Variants in RBFOX1 observed in about 807,000 individuals in gnomAD.
The protein encoded by RBFOX1 is RNA binding fox-1 homolog 1.
Under a neutral mutation model 57.7 loss-of-function variants are expected in RBFOX1, and 8 were observed. That is an observed-to-expected ratio of 0.14 (90% confidence interval 0.08 to 0.25). The LOEUF (loss-of-function observed/expected upper bound fraction) is 0.25, where lower values mean the gene tolerates loss of function less well. RBFOX1 is among the 10% of genes least tolerant of loss of function. The pLI is 1.00. For missense variants in RBFOX1, 611 were observed against 548.5 expected, an observed-to-expected ratio of 1.11 and a Z score of -1.14; for synonymous variants, 326 against 222.4, an observed-to-expected ratio of 1.47 and a Z score of -4.15.
In RBFOX1 at chr16:7,618,837, G is replaced by A. The variant is rs539807039; in HGVS notation, c.676+11499G>A. 3.3e-5 allele frequency among the ~76,000 whole-genome samples: 5 copies of A among 152,304 alleles called. No homozygotes were observed. The South Asian group carries it at 6.2e-4, about 19-fold the overall frequency. On this transcript the variant is annotated intron_variant, in intron 10 of 15. Coordinates refer to ENST00000550418, the MANE Select transcript of RBFOX1 (RefSeq NM_018723.4). Reference sequence around the variant, plus strand: ...ACTTTGAGTAACTTCATCAGTGACAGTTAATGCATTTCTAGAACTTCCATG... The same window carrying A: ...ACTTTGAGTAACTTCATCAGTGACAATTAATGCATTTCTAGAACTTCCATG...
At chr16:5,900,145 T>C (rs2058270942) in intron 4 of RBFOX1, among the ~76,000 whole-genome samples, 1 of 152,138 alleles carries the variant, frequency 6.6e-6, no homozygotes, top group African/African-American at 2.4e-5. Context: ...TGTACCTTTG[T>C]TTGGGCAGTT....
At chr16:6,947,046 T>C (rs2079677154) in intron 3 of RBFOX1, among the ~76,000 whole-genome samples, 1 of 152,194 alleles carries the variant, frequency 6.6e-6, no homozygotes. Context: ...CTCAGGCTCC[T>C]CATCTGTAAT....
At position 6,140,287 on chromosome 16, in the gene RBFOX1, G is replaced by A. The variant is rs187309716; in HGVS notation, c.-127+120295G>A. Among the ~76,000 whole-genome samples, 62 of 151,932 alleles carry A rather than the reference G, an allele frequency of 4.1e-4. No individual in the cohort carries two copies. The East Asian group carries it at 4.7e-3, about 11-fold the overall frequency. On this transcript the variant is annotated intron_variant, in intron 1 of 15. Coordinates refer to ENST00000550418, the MANE Select transcript of RBFOX1 (RefSeq NM_018723.4). ...GCTCACTGCAGCCTCCACCTCCTGG[G>A]TTCAAGCGATTGTCCTGCTTCAGCC...
intron 4 of RBFOX1, among the ~76,000 whole-genome samples, chr16:5,933,598 T>C (rs1310077552): frequency 6.6e-6 from 1 of 152,134 alleles, no homozygotes; most frequent in Non-Finnish European, 1.5e-5. Flanking sequence ...GCCAAGCTAT[T>C]GTCTTGGGTC....
At chr16:7,161,294 T>C (rs2078275069) in intron 4 of RBFOX1, among the ~76,000 whole-genome samples, 1 of 152,194 alleles carries the variant, frequency 6.6e-6, no homozygotes, top group Admixed American at 6.5e-5. Flanking sequence ...GAATGCAGTA[T>C]GTGTAAGGAA....
At chr16:5,863,110 A>C (rs954766727) in intron 3 of RBFOX1, among the ~76,000 whole-genome samples, 17 of 152,274 alleles carry the variant, frequency 1.1e-4, no homozygotes, top group African/African-American at 4.1e-4. Flanking sequence ...GCCTTGGGCA[A>C]GGCTCTTTAT....
intron 4 of RBFOX1, among the ~76,000 whole-genome samples, chr16:7,261,235 T>C (rs1380253935): frequency 6.6e-6 from 1 of 152,192 alleles, no homozygotes; most frequent in Non-Finnish European, 1.5e-5. Context: ...AGCTTTCAAC[T>C]TTGTAGAATA....
chr16:7,397,505 C>T (rs577123533), intron 4 of RBFOX1, among the ~76,000 whole-genome samples: 1 of 152,246 alleles, frequency 6.6e-6, no homozygotes, highest in African/African-American at 2.4e-5. Flanking sequence ...ATGAAAAGAA[C>T]CCACTGGTGA....
At chr16:6,880,303 C>CGAGGCAGCCAGA (rs2062674930) in intron 3 of RBFOX1, among the ~76,000 whole-genome samples, 1 of 152,124 alleles carries the variant, frequency 6.6e-6, no homozygotes, top group African/African-American at 2.4e-5. Context: ...GCTGGGTAGA[C>CGAGGCAGCCAGA]GAGGCAGCCA....
chr16:7,019,183 CTAAAT>C (rs1251566045), intron 3 of RBFOX1, among the ~76,000 whole-genome samples: 2 of 151,750 alleles, frequency 1.3e-5, no homozygotes, highest in Non-Finnish European at 2.9e-5. Context: ...TTTTAGGACA[CTAAAT>C]TATTTTATAT....
chr16:7,700,018 T>G (rs2080143022), intron 14 of RBFOX1, among the ~76,000 whole-genome samples: 1 of 152,120 alleles, frequency 6.6e-6, no homozygotes, highest in Admixed American at 6.5e-5. Flanking sequence ...GTTGGTGCTG[T>G]AGAGGGACAT....
At position 5,947,453 on chromosome 16, in the gene RBFOX1, G is replaced by A. The variant is rs545496715; in HGVS notation, c.351+80118G>A. ...TATGATCATGGCTCACTACAGCCTC[G>A]AAATCTTGTGCTCAAGCCATTTTCC... On this transcript the variant is annotated intron_variant, in intron 4 of 19. Transcript: ENST00000641259. The surrounding 1 kb of genome is among the most constrained non-coding windows in gnomAD (Gnocchi z 7.2). Among the ~76,000 whole-genome samples, 10 of 152,190 alleles carry A rather than the reference G, an allele frequency of 6.6e-5. No homozygotes were observed. The South Asian group carries it at 1.2e-3, about 19-fold the overall frequency.
intron 3 of RBFOX1, among the ~76,000 whole-genome samples, chr16:5,610,956 G>C (rs62016926): frequency 0.16 from 24,061 of 152,170 alleles, 2,489 homozygotes; most frequent in East Asian, 0.39. Context: ...GTGGGCTGTG[G>C]TTCTCAGGCT....
chr16:5,273,783 A>G (rs532333351), intron 1 of RBFOX1, among the ~76,000 whole-genome samples: 1 of 152,290 alleles, frequency 6.6e-6, no homozygotes, highest in South Asian at 2.1e-4. Context: ...CTGATGGATC[A>G]TGAGCAGCTG....
intron 3 of RBFOX1, among the ~76,000 whole-genome samples, chr16:6,929,283 A>C (rs117887184): frequency 1.3e-5 from 2 of 152,128 alleles, no homozygotes; most frequent in Non-Finnish European, 2.9e-5. Flanking sequence ...AGAGGTAGGA[A>C]ACTGGGGAAG....
chr16:6,126,073 C>G (rs769225585), intron 1 of RBFOX1, among the ~76,000 whole-genome samples: 2 of 152,158 alleles, frequency 1.3e-5, no homozygotes, highest in Non-Finnish European at 2.9e-5. Context: ...TTCTGTGATT[C>G]ATTGAACAGT....
chr16:5,551,752 C>A (rs1226873818), intron 2 of RBFOX1, among the ~76,000 whole-genome samples: 3 of 152,024 alleles, frequency 2.0e-5, no homozygotes, highest in Non-Finnish European at 2.9e-5. Context: ...TTAAGCCCCA[C>A]ATGTATTATG....
intron 8 of RBFOX1, 68 bp downstream of exon 8, chr16:7,595,709 C>T (rs1233675160): frequency 1.5e-6 from 2 of 1,309,364 alleles, no homozygotes; most frequent in Non-Finnish European, 1.0e-6. Flanking sequence ...ATTCGTTGTT[C>T]CAGATGCATC....
intron 4 of RBFOX1, among the ~76,000 whole-genome samples, chr16:7,096,832 T>C (rs893249048): frequency 1.4e-5 from 2 of 147,856 alleles, no homozygotes; most frequent in Non-Finnish European, 3.0e-5. Context: ...CGTAGGGGGC[T>C]GAGGTAAGAG....
Sources: gnomAD v4.1 joint callset for allele counts (sites outside exome capture counted in the v4.1 genomes callset) on GRCh38, gnomAD v4.1.1 for gene constraint, Gnocchi (gnomAD v3.1) non-coding constraint, MANE v1.5 for transcripts, NCBI Gene and HGNC (gene_info 2026-07-23, HGNC 2026-07-21) for gene names.